Variants in FOXN3 observed in about 807,000 individuals in gnomAD.
FOXN3 encodes the protein forkhead box N3.
FOXN3 carries 7 observed loss-of-function variants against 38.4 expected under a neutral mutation model. The ratio of observed to expected loss-of-function variants is 0.18; its 90% CI spans 0.10 to 0.34. FOXN3 has a LOEUF of 0.34. FOXN3 is among the 10% of genes least tolerant of loss of function. The pLI, the probability that FOXN3 is intolerant of heterozygous loss-of-function variation, is 1.00. For synonymous variants in FOXN3, 230 were observed against 242.2 expected, an observed-to-expected ratio of 0.95 and a Z score of 0.47; for missense variants, 456 against 613.4, an observed-to-expected ratio of 0.74 and a Z score of 2.71.
At chr14:89,321,074 G>T (rs1325507056) in intron 3 of FOXN3, among the ~76,000 whole-genome samples, 1 of 151,598 alleles carries the variant, frequency 6.6e-6, no homozygotes, top group Non-Finnish European at 1.5e-5. Flanking sequence ...GATCACTTGA[G>T]GCCAGTAGTT....
rs571572653 is a variant in FOXN3, at chr14:89,240,403, CAT to C, written c.745+40545_745+40546del. Among the ~76,000 whole-genome samples the C allele has an allele frequency of 3.5e-3, 530 of 152,224 alleles. 5 individuals are homozygous for C. The highest frequency in any genetic ancestry group is 4.6e-3 in the Non-Finnish European group (310 of 68,006). Reference sequence around the variant, plus strand: ...TATCACTTTTAACCAATAGTGAAGACATGTGTGCAAAGATACATGCAGGAGTA... The same window carrying C: ...TATCACTTTTAACCAATAGTGAAGACGTGTGCAAAGATACATGCAGGAGTA... On this transcript the variant is annotated intron_variant, in intron 4 of 5. Transcript: ENST00000557258.
At chr14:89,378,227 C>T (rs1215772430) in intron 2 of FOXN3, among the ~76,000 whole-genome samples, 1 of 152,172 alleles carries the variant, frequency 6.6e-6, no homozygotes, top group Non-Finnish European at 1.5e-5. Flanking sequence ...TACAGAAAAT[C>T]AAGAGCTCCC....
chr14:89,457,586 T>C (rs1163851050), intron 1 of FOXN3, among the ~76,000 whole-genome samples: 1 of 152,216 alleles, frequency 6.6e-6, no homozygotes, highest in African/African-American at 2.4e-5. Context: ...GTATTTCTCC[T>C]GCTTTGTGAA....
At chr14:89,578,874 G>T (rs138458412) in intron 1 of FOXN3, among the ~76,000 whole-genome samples, 1 of 152,236 alleles carries the variant, frequency 6.6e-6, no homozygotes, top group African/African-American at 2.4e-5. Flanking sequence ...TTGAGACAGG[G>T]TCTTGCTCCT....
At chr14:89,464,953 C>G (rs1053551762) in intron 1 of FOXN3, among the ~76,000 whole-genome samples, 3 of 152,184 alleles carry the variant, frequency 2.0e-5, no homozygotes, top group African/African-American at 7.2e-5. Flanking sequence ...ACCTTGGCCA[C>G]CCAAAGTGCT....
intron 1 of FOXN3, among the ~76,000 whole-genome samples, chr14:89,584,691 C>CTTCTT (rs1270220522): frequency 6.6e-6 from 1 of 151,716 alleles, no homozygotes; most frequent in South Asian, 2.1e-4. Context: ...TGTCTTTTCT[C>CTTCTT]TTCTTTTCTT....
At chr14:89,453,688 G>A (rs969714209) in intron 1 of FOXN3, among the ~76,000 whole-genome samples, 1 of 152,024 alleles carries the variant, frequency 6.6e-6, no homozygotes, top group Non-Finnish European at 1.5e-5. Flanking sequence ...GAAAAGATGG[G>A]TAAAAATGCA....
At chr14:89,225,559 G>A (rs545865840) in intron 4 of FOXN3, among the ~76,000 whole-genome samples, 5 of 151,974 alleles carry the variant, frequency 3.3e-5, no homozygotes, top group South Asian at 2.1e-4. Flanking sequence ...AGCTGAGATC[G>A]TGCCACTACA....
intron 1 of FOXN3, among the ~76,000 whole-genome samples, chr14:89,447,012 C>T (rs991295137): frequency 1.3e-5 from 2 of 152,070 alleles, no homozygotes; most frequent in South Asian, 2.1e-4. Context: ...GCCTGACTAA[C>T]ATGGAGAAAC....
chr14:89,609,504 G>A (rs947466094), intron 1 of FOXN3, among the ~76,000 whole-genome samples: 5 of 152,144 alleles, frequency 3.3e-5, no homozygotes, highest in Admixed American at 1.3e-4. Context: ...TTGCAACCAC[G>A]TGCCAGGCTC....
At chr14:89,455,084 A>G (rs1402316551) in intron 1 of FOXN3, among the ~76,000 whole-genome samples, 1 of 152,240 alleles carries the variant, frequency 6.6e-6, no homozygotes, top group East Asian at 1.9e-4. Flanking sequence ...AGAGCGACTC[A>G]GGAATGTTCG....
chr14:89,308,828 T>C (rs374050694), intron 3 of FOXN3, among the ~76,000 whole-genome samples: 1 of 152,074 alleles, frequency 6.6e-6, no homozygotes, highest in East Asian at 1.9e-4. Flanking sequence ...TGTGAACAAA[T>C]GGAAGGAGGC....
At chr14:89,224,692 A>G (rs1884576962) in intron 4 of FOXN3, among the ~76,000 whole-genome samples, 1 of 152,216 alleles carries the variant, frequency 6.6e-6, no homozygotes, top group Non-Finnish European at 1.5e-5. Context: ...TCAACTAAGG[A>G]AGACAAAATG....
intron 3 of FOXN3, among the ~76,000 whole-genome samples, chr14:89,324,676 C>T (rs1887996419): frequency 6.6e-6 from 1 of 152,098 alleles, no homozygotes; most frequent in African/African-American, 2.4e-5. Context: ...ATCTCTTAAC[C>T]ACAGGGACCC....
At chr14:89,325,809 C>A (rs964287391) in intron 3 of FOXN3, among the ~76,000 whole-genome samples, 19 of 152,192 alleles carry the variant, frequency 1.2e-4, no homozygotes, top group African/African-American at 4.3e-4. Context: ...CAAGATGATG[C>A]TCTGCCCCTG....
At chr14:89,456,903 G>A (rs1255491736) in intron 1 of FOXN3, among the ~76,000 whole-genome samples, 1 of 152,160 alleles carries the variant, frequency 6.6e-6, no homozygotes, top group South Asian at 2.1e-4. Flanking sequence ...TGTCTGTGAA[G>A]GGGAATAAAA....
intron 1 of FOXN3, among the ~76,000 whole-genome samples, chr14:89,487,035 A>G (rs1261275133): frequency 6.6e-6 from 1 of 152,206 alleles, no homozygotes; most frequent in East Asian, 1.9e-4. Context: ...CAGAGCACCC[A>G]CAAGCGCTCA....
At chr14:89,221,438 A>C (rs777353307) in intron 4 of FOXN3, among the ~76,000 whole-genome samples, 13 of 152,206 alleles carry the variant, frequency 8.5e-5, no homozygotes, top group Non-Finnish European at 1.3e-4. Context: ...ATTATTCACT[A>C]TGCCATATTA....
chr14:89,427,141 A>C (rs1275799147), intron 1 of FOXN3, among the ~76,000 whole-genome samples: 1 of 150,814 alleles, frequency 6.6e-6, no homozygotes, highest in Non-Finnish European at 1.5e-5. Flanking sequence ...AGGCAGGAGA[A>C]ATGCTCGAAC....
Sources: gnomAD v4.1 joint callset for allele counts (sites outside exome capture counted in the v4.1 genomes callset) on GRCh38, gnomAD v4.1.1 for gene constraint, MANE v1.5 for transcripts, NCBI Gene and HGNC (gene_info 2026-07-23, HGNC 2026-07-21) for gene names.